The following RALYL variants were observed in gnomAD, a reference collection of about 807,000 sequenced individuals.
RALYL encodes RNA-binding Raly-like protein.
In RALYL, 29 loss-of-function variants were observed where a neutral mutation model predicts 35.1. The observed-to-expected ratio is 0.83, with a 90% CI of 0.61 to 1.13. RALYL has a LOEUF of 1.13. Among genes scored for constraint, RALYL ranks in the 50% most tolerant of loss-of-function variants. The pLI is 0.00. For synonymous variants in RALYL, 120 were observed against 127.6 expected, an observed-to-expected ratio of 0.94 and a Z score of 0.40; for missense variants, 359 against 360.4, an observed-to-expected ratio of 1.00 and a Z score of 0.03.
Position 84,735,809 on chromosome 8 carries a change from C to CGT in RALYL, c.257-38769_257-38768insTG, listed in dbSNP as rs766504736. Among the ~76,000 whole-genome samples, 699 of 119,108 alleles carry CGT rather than the reference C, an allele frequency of 5.9e-3. 9 individuals carry two copies. The highest frequency in any genetic ancestry group is 0.012 in the African/African-American group (379 of 31,616). The allele number at this position is 119,108 out of a possible 152,430, so 78.1% of individuals were successfully genotyped here. On this transcript the variant is annotated intron_variant, in intron 2 of 8. Coordinates refer to ENST00000521268, the MANE Select transcript of RALYL (RefSeq NM_173848.7). ...CCCCATTCCTTAAGATCATCCAAAC[C>CGT]GCGAGAGAGAGAGAGAGAGAGAGAG...
At chr8:84,741,831 G>A (rs1807416170) in intron 2 of RALYL, among the ~76,000 whole-genome samples, 1 of 151,856 alleles carries the variant, frequency 6.6e-6, no homozygotes, top group Non-Finnish European at 1.5e-5. Flanking sequence ...CAAAATTTAA[G>A]TTTTACAATA....
intron 1 of RALYL, among the ~76,000 whole-genome samples, chr8:84,341,448 C>A (rs1848767809): frequency 6.6e-6 from 1 of 151,842 alleles, no homozygotes; most frequent in South Asian, 2.1e-4. Context: ...GATTAGGAAG[C>A]ATGTAACCCC....
chr8:84,592,681 A>G (rs1173439157), intron 2 of RALYL, among the ~76,000 whole-genome samples: 1 of 152,194 alleles, frequency 6.6e-6, no homozygotes, highest in Non-Finnish European at 1.5e-5. Flanking sequence ...ACAATAGTAC[A>G]TGGAACAGAG....
chr8:84,787,480 A>C (rs1489652600), intron 3 of RALYL, among the ~76,000 whole-genome samples: 1 of 152,198 alleles, frequency 6.6e-6, no homozygotes, highest in African/African-American at 2.4e-5. Context: ...TGCAGTAAAC[A>C]TACATGCGCA....
intron 2 of RALYL, among the ~76,000 whole-genome samples, chr8:84,657,871 C>T (rs754645301): frequency 6.6e-6 from 1 of 152,060 alleles, no homozygotes; most frequent in Non-Finnish European, 1.5e-5. Flanking sequence ...GATAGTTCAC[C>T]GTTTGATATA....
intron 1 of RALYL, among the ~76,000 whole-genome samples, chr8:84,458,249 C>CA (rs2050361643): frequency 6.6e-6 from 1 of 151,722 alleles, no homozygotes; most frequent in Non-Finnish European, 1.5e-5. Flanking sequence ...TTACAAATGT[C>CA]AAAGATGATA....
At chr8:84,295,387 G>A (rs1462779280) in intron 1 of RALYL, among the ~76,000 whole-genome samples, 1 of 152,160 alleles carries the variant, frequency 6.6e-6, no homozygotes, top group Admixed American at 6.6e-5. Flanking sequence ...CCTGCAAAAA[G>A]AGTCATGCTA....
chr8:84,497,630 G>GTTTT (rs1181968193), intron 1 of RALYL, among the ~76,000 whole-genome samples: 2 of 119,124 alleles, frequency 1.7e-5, no homozygotes, highest in African/African-American at 6.4e-5. Flanking sequence ...TTTTTTTGTT[G>GTTTT]TTTTTGTTTT....
At chr8:84,819,020 T>G (rs779498903) in intron 4 of RALYL, among the ~76,000 whole-genome samples, 1 of 152,158 alleles carries the variant, frequency 6.6e-6, no homozygotes, top group Non-Finnish European at 1.5e-5. Flanking sequence ...GAATTACTAA[T>G]GGCCAATTCA....
chr8:84,709,301 G>A (rs1483604930), intron 2 of RALYL, among the ~76,000 whole-genome samples: 1 of 151,958 alleles, frequency 6.6e-6, no homozygotes, highest in South Asian at 2.1e-4. Flanking sequence ...GATAATGGTG[G>A]CTCTGGGCTT....
At chr8:84,791,923 G>A (rs1264036951) in intron 3 of RALYL, among the ~76,000 whole-genome samples, 4 of 152,182 alleles carry the variant, frequency 2.6e-5, no homozygotes, top group Non-Finnish European at 2.9e-5. Context: ...CCGGCAGGAT[G>A]TGACAGGGTG....
At chr8:84,202,366 GATTT>G (rs1563523469) in intron 1 of RALYL, among the ~76,000 whole-genome samples, 1 of 141,470 alleles carries the variant, frequency 7.1e-6, no homozygotes, top group African/African-American at 2.8e-5. Context: ...CTATTGAAGG[GATTT>G]TTTTTTTTTT....
chr8:84,643,632 G>A (rs1826869958), intron 2 of RALYL, among the ~76,000 whole-genome samples: 1 of 151,964 alleles, frequency 6.6e-6, no homozygotes, highest in South Asian at 2.1e-4. Flanking sequence ...ATCCCCATAT[G>A]GGCCACCAAA....
At chr8:84,645,696 G>A (rs886120352) in intron 2 of RALYL, among the ~76,000 whole-genome samples, 5 of 152,048 alleles carry the variant, frequency 3.3e-5, no homozygotes, top group Non-Finnish European at 7.4e-5. Flanking sequence ...TCATCCTCTA[G>A]CAGATTCCTT....
At chr8:84,751,613 G>T (rs1034111471) in intron 2 of RALYL, among the ~76,000 whole-genome samples, 7 of 152,200 alleles carry the variant, frequency 4.6e-5, no homozygotes, top group Non-Finnish European at 1.0e-4. Context: ...GGGGACTGGT[G>T]GGAGGTGACT....
chr8:84,596,564 T>C (rs745458646), intron 2 of RALYL, among the ~76,000 whole-genome samples: 2 of 152,164 alleles, frequency 1.3e-5, no homozygotes, highest in Non-Finnish European at 2.9e-5. Context: ...TGGTCTTAGC[T>C]GTTTGATTGC....
At position 84,467,043 on chromosome 8, in the gene RALYL, G is replaced by A. The variant is rs1233038596; in HGVS notation, c.-23-62256G>A. On this transcript the variant is annotated intron_variant, in intron 1 of 8. Coordinates refer to ENST00000521268, the MANE Select transcript of RALYL (RefSeq NM_173848.7). ...TTGATTCTTCTCTCTTTTTTTCTTTGTTAGTCTTGCTAGCGGTCTATCAAT... is the reference window on the plus strand; with the variant it reads ...TTGATTCTTCTCTCTTTTTTTCTTTATTAGTCTTGCTAGCGGTCTATCAAT... Among the ~76,000 whole-genome samples, 41 of 151,330 alleles carry A rather than the reference G, an allele frequency of 2.7e-4. 3 individuals carry two copies. The South Asian group carries it at 4.0e-3, about 15-fold the overall frequency.
chr8:84,562,785 T>C (rs777353820), intron 2 of RALYL, among the ~76,000 whole-genome samples: 27 of 151,874 alleles, frequency 1.8e-4, no homozygotes, highest in Non-Finnish European at 3.5e-4. Flanking sequence ...TTTAATAAGG[T>C]CTCTAGGCAA....
chr8:84,529,680 A>G, intron 2 of RALYL, 103 bp downstream of exon 2: 1 of 918,012 alleles, frequency 1.1e-6, no homozygotes, highest in Non-Finnish European at 1.6e-6. Flanking sequence ...CTCTTCTTTA[A>G]CCAATTAGAG....
Sources: gnomAD v4.1 joint callset for allele counts (sites outside exome capture counted in the v4.1 genomes callset) on GRCh38, gnomAD v4.1.1 for gene constraint, MANE v1.5 for transcripts, NCBI Gene and HGNC (gene_info 2026-07-23, HGNC 2026-07-21) for gene names.